Variants in COL21A1 observed in about 807,000 individuals in gnomAD.
COL21A1 encodes collagen type XXI alpha 1 chain.
COL21A1 carries 149 observed loss-of-function variants against 137.9 expected under a neutral mutation model. That is an observed-to-expected ratio of 1.08 (90% CI 0.95 to 1.24). The LOEUF (loss-of-function observed/expected upper bound fraction) is 1.24, where lower values mean the gene tolerates loss of function less well. Among genes scored for constraint, COL21A1 ranks in the 50% most tolerant of loss-of-function variants. The pLI is 0.00. For synonymous variants in COL21A1, 456 were observed against 391.5 expected (o/e 1.16, Z -1.95); for missense variants, 1,167 against 1,158.4 (o/e 1.01, Z -0.11).
chr6:56,234,163 T>C (rs1205674567), intron 1 of COL21A1, among the ~76,000 whole-genome samples: 2 of 151,832 alleles, frequency 1.3e-5, no homozygotes, highest in Non-Finnish European at 2.9e-5. Context: ...TAAAGTTGAA[T>C]GGGTAATTTG....
chr6:56,369,287 A>G (rs769727235), intron 1 of COL21A1, among the ~76,000 whole-genome samples: 8 of 151,942 alleles, frequency 5.3e-5, no homozygotes, highest in Non-Finnish European at 2.9e-5. Flanking sequence ...AAGCAGTCTG[A>G]TAACAGGGTA....
intron 9 of COL21A1, among the ~76,000 whole-genome samples, chr6:56,158,910 G>A (rs1775990875): frequency 6.6e-6 from 1 of 152,286 alleles, no homozygotes; most frequent in East Asian, 1.9e-4. Context: ...GTAATGTCTC[G>A]CTGAATAAAT....
chr6:56,118,288 T>C (rs556619248), intron 16 of COL21A1, among the ~76,000 whole-genome samples: 11 of 151,892 alleles, frequency 7.2e-5, no homozygotes, highest in Admixed American at 7.2e-4. Flanking sequence ...GGATCATTAG[T>C]GGCTACTATG....
At chr6:56,253,075 G>T (rs944924726) in intron 1 of COL21A1, among the ~76,000 whole-genome samples, 3 of 152,156 alleles carry the variant, frequency 2.0e-5, no homozygotes, top group African/African-American at 7.2e-5. Context: ...TCTTAAAAGT[G>T]ATATGTTCAT....
intron 1 of COL21A1, among the ~76,000 whole-genome samples, chr6:56,216,632 A>G (rs976174650): frequency 5.3e-5 from 8 of 152,104 alleles, no homozygotes; most frequent in African/African-American, 1.7e-4. Context: ...TACACAGCCA[A>G]TGCTAGGTCA....
chr6:56,283,874 ACTCT>A (rs66937943), intron 1 of COL21A1, among the ~76,000 whole-genome samples: 2,372 of 146,220 alleles, frequency 0.016, 18 homozygotes, highest in East Asian at 0.05. Context: ...TCACACACAC[ACTCT>A]CTCTCTCTCT....
At chr6:56,301,330 GA>G (rs1764274130) in intron 1 of COL21A1, among the ~76,000 whole-genome samples, 1 of 152,158 alleles carries the variant, frequency 6.6e-6, no homozygotes, top group East Asian at 1.9e-4. Flanking sequence ...GAAGATGGAA[GA>G]AGACACCACA....
At chr6:56,107,359 C>G (rs1211577359) in intron 16 of COL21A1, among the ~76,000 whole-genome samples, 1 of 151,456 alleles carries the variant, frequency 6.6e-6, no homozygotes, top group East Asian at 1.9e-4. Flanking sequence ...AATTGGAGTC[C>G]TTGAGATACA....
chr6:56,215,539 G>A (rs16887668), intron 1 of COL21A1, among the ~76,000 whole-genome samples: 2,199 of 152,138 alleles, frequency 0.014, 32 homozygotes, highest in Middle Eastern at 0.037. Flanking sequence ...CTGGTTTTCA[G>A]TTAAAACATG....
chr6:56,177,662 G>A (rs1777591305), intron 3 of COL21A1, among the ~76,000 whole-genome samples: 1 of 151,622 alleles, frequency 6.6e-6, no homozygotes, highest in African/African-American at 2.4e-5. Context: ...GGGCGTGGTG[G>A]GCGCCTGTAG....
At chr6:56,104,787 T>G (rs1046175208) in intron 16 of COL21A1, among the ~76,000 whole-genome samples, 3 of 152,168 alleles carry the variant, frequency 2.0e-5, no homozygotes, top group African/African-American at 7.2e-5. Context: ...GAAATTTAAC[T>G]AAAACCAGGC....
intron 1 of COL21A1, among the ~76,000 whole-genome samples, chr6:56,323,216 A>G (rs1764918197): frequency 6.6e-6 from 1 of 152,168 alleles, no homozygotes; most frequent in African/African-American, 2.4e-5. Context: ...TAAAGCCTAT[A>G]CTCATTTGTG....
intron 1 of COL21A1, among the ~76,000 whole-genome samples, chr6:56,241,689 G>A (rs139434556): frequency 6.6e-6 from 1 of 152,294 alleles, no homozygotes; most frequent in East Asian, 1.9e-4. Context: ...CTCTCCACTT[G>A]TTGCCAAGAC....
chr6:56,246,174 A>C (rs1479429776), intron 1 of COL21A1, among the ~76,000 whole-genome samples: 1 of 152,192 alleles, frequency 6.6e-6, no homozygotes, highest in Non-Finnish European at 1.5e-5. Flanking sequence ...ACTAAAGAGA[A>C]TTGGCATGAA....
chr6:56,364,379 A>G (rs1766049443), intron 1 of COL21A1, among the ~76,000 whole-genome samples: 1 of 152,212 alleles, frequency 6.6e-6, no homozygotes. Flanking sequence ...TGACTAGCAC[A>G]CAATGCTTTT....
At chr6:56,250,221 C>A (rs1782824078), upstream of COL21A1, among the ~76,000 whole-genome samples, 1 of 152,128 alleles carries the variant, frequency 6.6e-6, no homozygotes, top group Non-Finnish European at 1.5e-5. Context: ...AAAAAACTAA[C>A]CTAAACTAGG....
intron 1 of COL21A1, among the ~76,000 whole-genome samples, chr6:56,383,809 A>T (rs78074334): frequency 0.069 from 10,445 of 152,192 alleles, 396 homozygotes; most frequent in African/African-American, 0.08. Flanking sequence ...AATAAGTTTT[A>T]AAAAAACCAA....
intron 1 of COL21A1, among the ~76,000 whole-genome samples, chr6:56,320,547 A>C (rs201319015): frequency 8.3e-6 from 1 of 120,318 alleles, no homozygotes; most frequent in Non-Finnish European, 1.8e-5. Context: ...ACACACACAC[A>C]CCCCTCCCAC....
At chr6:56,391,902 G>A (rs917632935) in intron 1 of COL21A1, among the ~76,000 whole-genome samples, 1 of 152,072 alleles carries the variant, frequency 6.6e-6, no homozygotes, top group Non-Finnish European at 1.5e-5. Flanking sequence ...AAGACCTGAT[G>A]GTTTTACTGC....
Sources: allele counts gnomAD v4.1 joint callset (sites outside exome capture counted in the v4.1 genomes callset), GRCh38; gene constraint gnomAD v4.1.1; transcripts MANE v1.5; gene names NCBI Gene and HGNC (gene_info 2026-07-23, HGNC 2026-07-21).